DISC1: variants seen among roughly 807,000 people sequenced by gnomAD.
DISC1 encodes the protein disrupted in schizophrenia 1 protein.
Under a neutral mutation model 84.5 loss-of-function variants are expected in DISC1, and 57 were observed. The ratio of observed to expected loss-of-function variants is 0.67; its 90% CI spans 0.55 to 0.84. The LOEUF is 0.84. DISC1 is among the 40% of genes least tolerant of loss of function. DISC1 has a pLI of 0.00. For synonymous variants in DISC1, 411 were observed against 415.2 expected, an observed-to-expected ratio of 0.99 and a Z score of 0.12; for missense variants, 1,000 against 1,057.8, an observed-to-expected ratio of 0.95 and a Z score of 0.76.
intron 10 of DISC1, among the ~76,000 whole-genome samples, chr1:231,996,161 A>G (rs1317350912): frequency 6.6e-6 from 1 of 152,138 alleles, no homozygotes; most frequent in Non-Finnish European, 1.5e-5. Flanking sequence ...GTCTGTTCAT[A>G]TCCTTCGTCC....
intron 12 of DISC1, among the ~76,000 whole-genome samples, chr1:232,033,663 A>T (rs1050441767): frequency 6.6e-6 from 1 of 151,910 alleles, no homozygotes; most frequent in African/African-American, 2.4e-5. Flanking sequence ...AACACACAGT[A>T]GAAACTCAGG....
At chr1:232,018,440 A>G (rs1668676098) in intron 11 of DISC1, among the ~76,000 whole-genome samples, 1 of 152,222 alleles carries the variant, frequency 6.6e-6, no homozygotes, top group Non-Finnish European at 1.5e-5. Flanking sequence ...TGGTTTAGAC[A>G]TCTGCTCAGG....
intron 6 of DISC1, among the ~76,000 whole-genome samples, chr1:231,776,831 T>C (rs1471585474): frequency 6.6e-6 from 1 of 152,194 alleles, no homozygotes; most frequent in Non-Finnish European, 1.5e-5. Flanking sequence ...AAGGCCTGAA[T>C]TGGAAAACTG....
At chr1:232,004,966 TTCTTCCCTTCCTTCCA>T (rs1667205247) in intron 10 of DISC1, among the ~76,000 whole-genome samples, 1 of 75,180 alleles carries the variant, frequency 1.3e-5, no homozygotes, top group African/African-American at 5.9e-5. Context: ...CCTTCCTTCC[TTCTTCCCTTCCTTCCA>T]TCCTTCTTCT....
At chr1:231,785,204 A>T (rs2077734659) in intron 6 of DISC1, among the ~76,000 whole-genome samples, 1 of 148,620 alleles carries the variant, frequency 6.7e-6, no homozygotes, top group African/African-American at 2.5e-5. Flanking sequence ...CAAGGTTGTT[A>T]ATGTCAACAG....
chr1:231,796,289 G>A (rs2078758402), intron 7 of DISC1, among the ~76,000 whole-genome samples: 1 of 152,012 alleles, frequency 6.6e-6, no homozygotes, highest in Non-Finnish European at 1.5e-5. Flanking sequence ...CAGAGAACTG[G>A]GTATGAATCA....
intron 9 of DISC1, among the ~76,000 whole-genome samples, chr1:231,857,622 CAAT>C (rs1022895106): frequency 4.6e-5 from 7 of 152,076 alleles, no homozygotes; most frequent in Non-Finnish European, 8.8e-5. Context: ...CACAGGCAAA[CAAT>C]AACCTAGAAT....
intron 9 of DISC1, among the ~76,000 whole-genome samples, chr1:231,864,952 G>A (rs2084946593): frequency 1.3e-5 from 2 of 152,158 alleles, no homozygotes; most frequent in Admixed American, 6.5e-5. Flanking sequence ...TCCTTTGAAA[G>A]TTTCTCAGTT....
At chr1:231,915,652 C>T (rs975767682) in intron 9 of DISC1, among the ~76,000 whole-genome samples, 2 of 152,172 alleles carry the variant, frequency 1.3e-5, no homozygotes, top group East Asian at 3.8e-4. Flanking sequence ...GTGGCAGGCA[C>T]CTGTAATCGC....
At chr1:231,669,640 C>G (rs1238524290) in intron 1 of DISC1, among the ~76,000 whole-genome samples, 2 of 152,102 alleles carry the variant, frequency 1.3e-5, no homozygotes, top group African/African-American at 4.8e-5. Flanking sequence ...CATCACTGAT[C>G]ATGAGAGAGG....
chr1:231,843,377 G>C (rs992501682), intron 9 of DISC1, among the ~76,000 whole-genome samples: 33 of 152,260 alleles, frequency 2.2e-4, no homozygotes, highest in Non-Finnish European at 1.3e-4. Context: ...CACTTAAGGA[G>C]CTTGGAAATG....
chr1:231,962,135 G>A (rs1256655235), intron 10 of DISC1, among the ~76,000 whole-genome samples: 1 of 152,146 alleles, frequency 6.6e-6, no homozygotes, highest in Non-Finnish European at 1.5e-5. Flanking sequence ...GATTAATGAT[G>A]TTAAACTTTT....
intron 10 of DISC1, among the ~76,000 whole-genome samples, chr1:231,971,994 T>C (rs1009453913): frequency 6.6e-6 from 1 of 152,264 alleles, no homozygotes; most frequent in African/African-American, 2.4e-5. Flanking sequence ...TTTATTATTC[T>C]GTAAATGGGA....
Position 231,693,991 on chromosome 1 carries a change from A to T in DISC1, c.233A>T (p.His78Leu). Residue 78 changes from histidine (H) to leucine (L), a missense_variant, in exon 2 of 13, where the codon CAC (histidine) becomes CTC (leucine). Physicochemically the swap from His to Leu is moderately conservative, Grantham distance 99. Transcript: ENST00000439617. Reference sequence around the variant, plus strand: ...GGGGTGTCTGGCGAGGAGTCCCACCACTCGGAGTCCAGGGCCAGACAGTGT... The same window carrying T: ...GGGGTGTCTGGCGAGGAGTCCCACCTCTCGGAGTCCAGGGCCAGACAGTGT... ...PGGVSGEESH[H>L]SESRARQCGL... 1.9e-6 allele frequency: 3 copies of T among 1,613,826 alleles called. No individual in the cohort carries two copies. The highest frequency in any genetic ancestry group is 2.5e-6 in the Non-Finnish European group (3 of 1,179,892).
At chr1:231,663,069 T>A (rs142959163) in intron 1 of DISC1, among the ~76,000 whole-genome samples, 1 of 152,132 alleles carries the variant, frequency 6.6e-6, no homozygotes, top group African/African-American at 2.4e-5. Flanking sequence ...AAGAAAAACA[T>A]GATCTAACTG....
At chr1:231,693,803 G>A in intron 1 of DISC1, 23 bp from the exon 2 acceptor site, 1 of 1,612,360 alleles carries the variant, frequency 6.2e-7, no homozygotes, top group Non-Finnish European at 8.5e-7. Flanking sequence ...TGTTTATGGT[G>A]CTGTTTTTTC....
chr1:231,703,489 T>G (rs950676131), intron 3 of DISC1, among the ~76,000 whole-genome samples: 1 of 152,218 alleles, frequency 6.6e-6, no homozygotes, highest in South Asian at 2.1e-4. Flanking sequence ...AGATTTATTT[T>G]TATTACCATG....
At chr1:232,011,768 T>C (rs1164743195) in intron 11 of DISC1, among the ~76,000 whole-genome samples, 1 of 152,194 alleles carries the variant, frequency 6.6e-6, no homozygotes, top group African/African-American at 2.4e-5. Flanking sequence ...TATGACTTTA[T>C]AACAATTATT....
intron 10 of DISC1, among the ~76,000 whole-genome samples, chr1:231,989,890 C>A (rs1205908163): frequency 6.6e-6 from 1 of 152,148 alleles, no homozygotes; most frequent in Non-Finnish European, 1.5e-5. Flanking sequence ...TAACGCTGTG[C>A]GACTGCAAGC....
Sources: gnomAD v4.1 joint callset for allele counts (sites outside exome capture counted in the v4.1 genomes callset) on GRCh38, gnomAD v4.1.1 for gene constraint, MANE v1.5 for transcripts, NCBI Gene and HGNC (gene_info 2026-07-23, HGNC 2026-07-21) for gene names.